Variants in FRMPD4 observed in about 807,000 individuals in gnomAD.
FRMPD4 encodes FERM and PDZ domain containing 4, also known as FERM and PDZ domain-containing protein 4.
FRMPD4 carries 22 observed loss-of-function variants against 94.1 expected under a neutral mutation model. That is an observed-to-expected ratio of 0.23 (90% CI 0.17 to 0.33). The LOEUF is 0.33. FRMPD4 is among the 10% of genes least tolerant of loss of function. The pLI, the probability that FRMPD4 is intolerant of heterozygous loss-of-function variation, is 1.00. For missense variants in FRMPD4, 1,111 were observed against 1,339.9 expected, an observed-to-expected ratio of 0.83 and a Z score of 2.67; for synonymous variants, 631 against 548.6, an observed-to-expected ratio of 1.15 and a Z score of -2.10.
intron 2 of FRMPD4, among the ~76,000 whole-genome samples, chrX:12,536,679 T>A (rs1461186837): frequency 1.8e-5 from 2 of 111,894 alleles, no homozygotes; most frequent in Non-Finnish European, 3.8e-5. Flanking sequence ...GAAAGAAGGA[T>A]TGTTTAGTAG....
intron 3 of FRMPD4, among the ~76,000 whole-genome samples, chrX:11,988,816 AAAG>A (rs2054448279): frequency 8.9e-6 from 1 of 112,328 alleles, no homozygotes; most frequent in African/African-American, 3.2e-5. Flanking sequence ...ACATTTCTCA[AAAG>A]AAGACATACA....
intron 2 of FRMPD4, among the ~76,000 whole-genome samples, chrX:11,869,229 G>A (rs1020027333): frequency 8.9e-6 from 1 of 112,127 alleles, no homozygotes; most frequent in Non-Finnish European, 1.9e-5. Flanking sequence ...ATATCTCTAA[G>A]ACATACGGCA....
chrX:12,035,324 G>A (rs1020776436), intron 3 of FRMPD4, among the ~76,000 whole-genome samples: 8 of 111,237 alleles, frequency 7.2e-5, no homozygotes, highest in Admixed American at 9.6e-5. Flanking sequence ...AGTTGGTACC[G>A]TGAGCTCTAA....
intron 3 of FRMPD4, among the ~76,000 whole-genome samples, chrX:12,115,612 T>A (rs2055401588): frequency 1.1e-5 from 1 of 92,046 alleles, no homozygotes; most frequent in African/African-American, 4.0e-5. Context: ...TAACTCTGAG[T>A]ATCCCCCAAT....
At chrX:12,633,561 C>T (rs1015664152) in intron 4 of FRMPD4, among the ~76,000 whole-genome samples, 2 of 111,925 alleles carry the variant, frequency 1.8e-5, no homozygotes, top group Non-Finnish European at 3.8e-5. Flanking sequence ...GGCAGGGGCT[C>T]AGAGTAGAGA....
At chrX:12,392,751 T>C (rs1295836048) in intron 1 of FRMPD4, among the ~76,000 whole-genome samples, 1 of 111,581 alleles carries the variant, frequency 9.0e-6, no homozygotes, top group Non-Finnish European at 1.9e-5. Context: ...TCAACTCAGG[T>C]CTAAGTGTCT....
chrX:12,427,255 C>T (rs1295995482), intron 1 of FRMPD4, among the ~76,000 whole-genome samples: 1 of 111,720 alleles, frequency 9.0e-6, no homozygotes, highest in Admixed American at 9.5e-5. Flanking sequence ...CAAAATTTTA[C>T]ATTCATAATG....
intron 1 of FRMPD4, among the ~76,000 whole-genome samples, chrX:12,427,897 C>CTTTTTTTTTT (rs139267482): frequency 1.1e-4 from 6 of 54,755 alleles, no homozygotes; most frequent in Non-Finnish European, 1.5e-4. Context: ...CCTTTTTTCT[C>CTTTTTTTTTT]TTTTTTTTTT....
chrX:11,888,866 G>A (rs896983062), intron 3 of FRMPD4, among the ~76,000 whole-genome samples: 1 of 112,485 alleles, frequency 8.9e-6, no homozygotes, highest in African/African-American at 3.2e-5. Flanking sequence ...ACATGCTGTA[G>A]GAAAAATGGT....
intron 1 of FRMPD4, among the ~76,000 whole-genome samples, chrX:12,480,895 G>A (rs112703404): frequency 0.016 from 1,768 of 111,961 alleles, 16 homozygotes; most frequent in Non-Finnish European, 0.025. Context: ...TAAACTTAGC[G>A]GTTGATCAGT....
chrX:12,252,652 A>C (rs1282052908), intron 1 of FRMPD4, among the ~76,000 whole-genome samples: 1 of 112,048 alleles, frequency 8.9e-6, no homozygotes. Context: ...GCATAAATCT[A>C]CATATGATAA....
At chrX:12,473,460 A>G (rs1315682552) in intron 1 of FRMPD4, among the ~76,000 whole-genome samples, 9 of 110,055 alleles carry the variant, frequency 8.2e-5, no homozygotes, top group Non-Finnish European at 1.7e-4. Context: ...ATTCACACAT[A>G]ACAATATTAA....
chrX:11,979,677 G>A (rs746831397), intron 3 of FRMPD4, among the ~76,000 whole-genome samples: 1 of 110,548 alleles, frequency 9.0e-6, no homozygotes, highest in South Asian at 3.9e-4. Context: ...TGTTCCCCTC[G>A]GAAATGTCTA....
chrX:11,859,782 G>A (rs778527652), intron 1 of FRMPD4, among the ~76,000 whole-genome samples: 13 of 111,743 alleles, frequency 1.2e-4, no homozygotes, highest in African/African-American at 4.2e-4. Context: ...TTTCCCTAAG[G>A]TTTAAAAGCT....
At chrX:11,850,490 A>G (rs975927338) in intron 1 of FRMPD4, among the ~76,000 whole-genome samples, 36 of 112,581 alleles carry the variant, frequency 3.2e-4, no homozygotes, top group African/African-American at 1.1e-3. Flanking sequence ...TTGGAAAGAT[A>G]TTTGCAGATA....
intron 1 of FRMPD4, among the ~76,000 whole-genome samples, chrX:12,229,760 C>T (rs922834018): frequency 1.8e-5 from 2 of 111,533 alleles, no homozygotes; most frequent in East Asian, 5.7e-4. Flanking sequence ...GGACATTGGT[C>T]TCTCCTTCAC....
chrX:12,528,286 A>G (rs2058245910), intron 2 of FRMPD4, among the ~76,000 whole-genome samples: 1 of 107,701 alleles, frequency 9.3e-6, no homozygotes, highest in Non-Finnish European at 1.9e-5. Flanking sequence ...TCCTCACAGT[A>G]GCCAGTCTGT....
intron 1 of FRMPD4, among the ~76,000 whole-genome samples, chrX:12,456,841 A>C (rs1466830590): frequency 8.9e-6 from 1 of 112,584 alleles, no homozygotes; most frequent in Admixed American, 9.4e-5. Context: ...TACTATTTAG[A>C]TTGTGCTTAA....
chrX:11,899,689 G>A (rs756207659), intron 3 of FRMPD4, among the ~76,000 whole-genome samples: 1 of 111,604 alleles, frequency 9.0e-6, no homozygotes, highest in South Asian at 3.7e-4. Context: ...ACAATAATGA[G>A]CATAATTTCA....
Sources: gnomAD v4.1 joint callset for allele counts (sites outside exome capture counted in the v4.1 genomes callset) on GRCh38, gnomAD v4.1.1 for gene constraint, MANE v1.5 for transcripts, NCBI Gene and HGNC (gene_info 2026-07-23, HGNC 2026-07-21) for gene names.